The following C1orf105 variants were observed in gnomAD, a reference collection of about 807,000 sequenced individuals.
C1orf105 encodes the protein chromosome 1 open reading frame 105.
C1orf105 carries 17 observed loss-of-function variants against 20.8 expected under a neutral mutation model. The ratio of observed to expected loss-of-function variants is 0.82; its 90% CI spans 0.56 to 1.23. C1orf105 has a LOEUF of 1.23. C1orf105 is among the 50% of genes most tolerant of loss of function. C1orf105 has a pLI of 0.00. For synonymous variants in C1orf105, 72 were observed against 72.1 expected (o/e 1.00, Z 0.01); for missense variants, 219 against 213.5 (o/e 1.03, Z -0.16).
chr1:172,447,938 A>T (rs368509851), intron 2 of C1orf105, among the ~76,000 whole-genome samples: 1 of 152,240 alleles, frequency 6.6e-6, no homozygotes, highest in East Asian at 1.9e-4. Flanking sequence ...TTCTTGCAAC[A>T]TCACTGCTTC....
intron 1 of C1orf105, among the ~76,000 whole-genome samples, chr1:172,421,854 G>T (rs779412368): frequency 7.2e-5 from 11 of 152,054 alleles, no homozygotes; most frequent in Non-Finnish European, 1.3e-4. Flanking sequence ...TGGAGGGAGG[G>T]CACAGCGATT....
intron 1 of C1orf105, among the ~76,000 whole-genome samples, chr1:172,427,280 GATCAACC>G (rs1311751109): frequency 7.2e-5 from 11 of 152,214 alleles, no homozygotes; most frequent in Middle Eastern, 3.4e-3. Flanking sequence ...TGTTCCCATA[GATCAACC>G]ATCCCTGCCC....
Position 172,428,953 on chromosome 1 carries a change from G to A in C1orf105, c.21+8047G>A, listed in dbSNP as rs191594155. 4 of 570,212 alleles carry A rather than the reference G, an allele frequency of 7.0e-6. No homozygotes were observed. In the Admixed American group the frequency reaches 1.3e-4, roughly 19 times the overall value. The allele number at this position is 570,212 out of a possible 1,614,324, so 35.3% of individuals were successfully genotyped here. A position where few individuals can be genotyped will look rare whatever the true frequency, so the allele number is the denominator to read the frequency against. ...ATACTAAATATTTTGTTGGATTTTG[G>A]GGGATACTGTTGGATACTGGGGGAA... On this transcript the variant is annotated intron_variant, in intron 1 of 6. Coordinates refer to ENST00000367727, the MANE Select transcript of C1orf105 (RefSeq NM_139240.4).
chr1:172,454,101 C>A (rs1168843612), intron 3 of C1orf105, among the ~76,000 whole-genome samples: 1 of 152,100 alleles, frequency 6.6e-6, no homozygotes, highest in Non-Finnish European at 1.5e-5. Flanking sequence ...GTAGTCTTAG[C>A]AGAAACCAGA....
rs1178079856 is a variant in C1orf105 at position 172,468,656 on chromosome 1, T to C, written c.*62T>C. 1.2e-5 allele frequency: 19 copies of C among 1,520,750 alleles called. No homozygotes were observed. Among genetic ancestry groups the C allele is most frequent in the Non-Finnish European group, 1.6e-5 (18 of 1,118,804 alleles). The allele number at this position is 1,520,750 out of a possible 1,614,324, so 94.2% of individuals were successfully genotyped here. On this transcript the variant is annotated 3_prime_UTR_variant, in exon 7 of 7. Transcript: ENST00000367727. ...GAAAATAACCTCGCCAAGCCAATCT[T>C]TGACACTGGCACCTTCTCCTCACAA...
intron 1 of C1orf105, among the ~76,000 whole-genome samples, chr1:172,433,883 G>A (rs2071950958): frequency 6.6e-6 from 1 of 152,128 alleles, no homozygotes. Flanking sequence ...GACACACATA[G>A]GCTCAAAATA....
At chr1:172,448,611 T>G in intron 3 of C1orf105, 80 bp downstream of exon 3, 1 of 814,238 alleles carries the variant, frequency 1.2e-6, no homozygotes, top group Non-Finnish European at 2.1e-6. Flanking sequence ...CCCATCTCCT[T>G]AGCACAGCCC....
At chr1:172,442,566 A>C (rs778252021) in intron 1 of C1orf105, 4 of 1,614,082 alleles carry the variant, frequency 2.5e-6, no homozygotes, top group Non-Finnish European at 3.4e-6. Flanking sequence ...GCTGTCGCTC[A>C]TACAAGACCT....
At chr1:172,425,208 T>C (rs1345634893) in intron 1 of C1orf105, among the ~76,000 whole-genome samples, 1 of 152,152 alleles carries the variant, frequency 6.6e-6, no homozygotes, top group Non-Finnish European at 1.5e-5. Flanking sequence ...TTTCCTTGGG[T>C]ACTTTTACCC....
chr1:172,468,148 C>G lies in C1orf105; in HGVS notation c.407-301C>G, dbSNP rs180718228. ...TCATTTTTAATTTAATTGGTAATGACGTCTAATACTTGAGTTTTGTTTCTG... is the reference window on the plus strand; with the variant it reads ...TCATTTTTAATTTAATTGGTAATGAGGTCTAATACTTGAGTTTTGTTTCTG... On this transcript the variant is annotated intron_variant, in intron 6 of 6. Transcript: ENST00000367727. Among the ~76,000 whole-genome samples the G allele has an allele frequency of 5.9e-5, 9 of 152,158 alleles. No individual in the cohort carries two copies. The East Asian group carries it at 1.7e-3, about 29-fold the overall frequency.
chr1:172,424,767 C>T (rs940084232), intron 1 of C1orf105, among the ~76,000 whole-genome samples: 1 of 152,278 alleles, frequency 6.6e-6, no homozygotes, highest in African/African-American at 2.4e-5. Flanking sequence ...ATTCCTTCTG[C>T]CTCTTTTTTT....
chr1:172,430,585 C>G (rs866732641), intron 1 of C1orf105, among the ~76,000 whole-genome samples: 2 of 152,134 alleles, frequency 1.3e-5, no homozygotes, highest in African/African-American at 4.8e-5. Flanking sequence ...ACCACAGGCA[C>G]GCATCACCAC....
chr1:172,446,406 C>T (rs3937046), intron 2 of C1orf105, among the ~76,000 whole-genome samples: 34,243 of 152,088 alleles, frequency 0.23, 4,021 homozygotes, highest in East Asian at 0.35. Flanking sequence ...TAAAGCTGGC[C>T]AAACAGGACT....
chr1:172,468,703 A>T lies in C1orf105; in HGVS notation c.*109A>T. The T allele has an allele frequency of 7.8e-7, 1 of 1,284,218 alleles. No individual in the cohort carries two copies. Among genetic ancestry groups the T allele is most frequent in the Non-Finnish European group, 1.1e-6 (1 of 932,746 alleles). 79.6% of individuals were successfully genotyped at this position (1,284,218 alleles called of 1,614,324 possible). A position where few individuals can be genotyped will look rare whatever the true frequency, so the allele number is the denominator to read the frequency against. ...ACAATTTTCTCTCTTCTCCCAAAAG[A>T]TGATTTAATTTTGCCTTCCTAAGAT... On this transcript the variant is annotated 3_prime_UTR_variant, in exon 7 of 7. Transcript: ENST00000367727.
chr1:172,420,803 A>G lies in C1orf105; in HGVS notation c.-83A>G, dbSNP rs2071565649. ...ACTTTGGATTCAGGTTCTCCACAGC[A>G]GTCTTCCACTGGCCACAGTGAGGGG... On this transcript the variant is annotated 5_prime_UTR_variant, in exon 1 of 7. Transcript: ENST00000367727. The G allele has an allele frequency of 7.2e-7, 1 of 1,383,646 alleles. No individual in the cohort carries two copies. The highest frequency in any genetic ancestry group is 1.0e-6 in the Non-Finnish European group (1 of 978,450). 85.7% of individuals were successfully genotyped at this position (1,383,646 alleles called of 1,614,324 possible). A position where few individuals can be genotyped will look rare whatever the true frequency, so the allele number is the denominator to read the frequency against.
At chr1:172,455,322 T>A (rs1266464578) in intron 3 of C1orf105, among the ~76,000 whole-genome samples, 1 of 152,154 alleles carries the variant, frequency 6.6e-6, no homozygotes. Flanking sequence ...CCTCACTTTC[T>A]GTTCCTCCTC....
At chr1:172,421,458 C>T (rs1244394404) in intron 1 of C1orf105, among the ~76,000 whole-genome samples, 1 of 152,086 alleles carries the variant, frequency 6.6e-6, no homozygotes, top group East Asian at 1.9e-4. Flanking sequence ...ACAGGTGCTC[C>T]TTGACTTATG....
rs760804284 is a variant in C1orf105 at position 172,468,490 on chromosome 1, G to A, written c.448G>A (p.Ala150Thr). ...ACTGCCCATTCTGGGCCCCAGGACA[G>A]CTGTCTTCCACGGATTACTGACAGA... ...YRLPILGPRT[A>T]VFHGLLTEAY... is the part of the protein sequence containing the mutation. The change falls in exon 7 of 7, where the codon GCT (alanine) becomes ACT (threonine). Residue 150 changes from alanine to threonine, a missense_variant. Physicochemically the swap from Ala to Thr is moderately conservative, Grantham distance 58. Coordinates refer to ENST00000367727, the MANE Select transcript of C1orf105 (RefSeq NM_139240.4). 6.2e-7 allele frequency: 1 copy of A among 1,613,892 alleles called. No individual in the cohort carries two copies. The highest frequency in any genetic ancestry group is 1.1e-5 in the South Asian group (1 of 91,062).
Position 172,442,553 on chromosome 1 carries a change from A to G in C1orf105, c.22-2520A>G, listed in dbSNP as rs141135424. Reference sequence around the variant, plus strand: ...CGCCGGTCCACATAGTTATCAGGAAAGGGCTGTCGCTCATACAAGACCTTC... The same window carrying G: ...CGCCGGTCCACATAGTTATCAGGAAGGGGCTGTCGCTCATACAAGACCTTC... On this transcript the variant is annotated intron_variant, in intron 1 of 6. Transcript: ENST00000367727. 7 of 1,614,058 alleles carry G rather than the reference A, an allele frequency of 4.3e-6. No homozygotes were observed. The African/African-American group carries it at 9.3e-5, about 22-fold the overall frequency.
Sources: allele counts gnomAD v4.1 joint callset (sites outside exome capture counted in the v4.1 genomes callset), GRCh38; gene constraint gnomAD v4.1.1; transcripts MANE v1.5; gene names NCBI Gene and HGNC (gene_info 2026-07-23, HGNC 2026-07-21).